TRIM71: variants seen among roughly 807,000 people sequenced by gnomAD.
TRIM71 encodes E3 ubiquitin-protein ligase TRIM71.
Under a neutral mutation model 61.2 loss-of-function variants are expected in TRIM71, and 9 were observed. The ratio of observed to expected loss-of-function variants is 0.15; its 90% CI spans 0.09 to 0.26. The LOEUF is 0.26. TRIM71 is among the 10% of genes least tolerant of loss of function. The pLI, the probability that TRIM71 is intolerant of heterozygous loss-of-function variation, is 1.00. For synonymous variants in TRIM71, 645 were observed against 553.2 expected, an observed-to-expected ratio of 1.17 and a Z score of -2.33; for missense variants, 998 against 1,238.7, an observed-to-expected ratio of 0.81 and a Z score of 2.92.
chr3:32,824,095 T>C (rs1696173185), intron 1 of TRIM71, among the ~76,000 whole-genome samples: 1 of 152,168 alleles, frequency 6.6e-6, no homozygotes, highest in South Asian at 2.1e-4. Flanking sequence ...AAAAAGTGTT[T>C]GAAGATTAGG....
At chr3:32,846,998 T>C (rs559209555) in intron 1 of TRIM71, among the ~76,000 whole-genome samples, 3 of 151,810 alleles carry the variant, frequency 2.0e-5, no homozygotes, top group African/African-American at 7.2e-5. Flanking sequence ...ATTTGGGGTA[T>C]ATATACCCAG....
chr3:32,852,496 C>T (rs1291400248), intron 1 of TRIM71, among the ~76,000 whole-genome samples: 1 of 152,082 alleles, frequency 6.6e-6, no homozygotes, highest in South Asian at 2.1e-4. Flanking sequence ...AGCATTTTGC[C>T]AGAGAGGTCT....
rs759823821 is a variant in TRIM71, at chr3:32,891,397, T to C, written c.2193T>C (p.Gly731=). Reference sequence around the variant, plus strand: ...GGATCCAGCTGTTTGGGCCTGATGGTGTCTTCCTAAACAAGTATGGCTTCG... The same window carrying C: ...GGATCCAGCTGTTTGGGCCTGATGGCGTCTTCCTAAACAAGTATGGCTTCG... ...NHRIQLFGPD[G]VFLNKYGFEG... The change falls in exon 4 of 4, where the codon GGT becomes GGC. Residue 731 remains glycine (G), a synonymous_variant. Coordinates refer to ENST00000383763, the MANE Select transcript of TRIM71 (RefSeq NM_001039111.3). This position sits in a 1 kb window ranked among gnomAD's most constrained non-coding sequence, Gnocchi z 8.2. 9.3e-6 allele frequency: 15 copies of C among 1,613,974 alleles called. No individual in the cohort carries two copies. The Admixed American group carries it at 2.2e-4, about 23-fold the overall frequency.
In TRIM71 at chr3:32,896,290, A is replaced by T. The variant is rs766427168; in HGVS notation, c.*4479A>T. Reference sequence around the variant, plus strand: ...AGGGAATGAGAATCCTCTTGACTTCATGATTGTATTTGTAGCTCTCTGGAC... The same window carrying T: ...AGGGAATGAGAATCCTCTTGACTTCTTGATTGTATTTGTAGCTCTCTGGAC... On this transcript the variant is annotated 3_prime_UTR_variant, in exon 4 of 4. Transcript: ENST00000383763. The T allele has an allele frequency of 6.6e-6, 1 of 152,242 alleles. No individual in the cohort carries two copies. The highest frequency in any genetic ancestry group is 2.4e-5 in the African/African-American group (1 of 41,470). 9.4% of individuals were successfully genotyped at this position (152,242 alleles called of 1,614,324 possible).
At chr3:32,837,394 C>T (rs570515103) in intron 1 of TRIM71, among the ~76,000 whole-genome samples, 1 of 152,154 alleles carries the variant, frequency 6.6e-6, no homozygotes, top group Non-Finnish European at 1.5e-5. Flanking sequence ...GCCTGCTTTT[C>T]TGGTCATGGG....
chr3:32,846,005 A>G (rs1315140331), intron 1 of TRIM71, among the ~76,000 whole-genome samples: 1 of 148,840 alleles, frequency 6.7e-6, no homozygotes, highest in African/African-American at 2.5e-5. Context: ...GGAGTTGGAG[A>G]CTATGGCTCA....
intron 1 of TRIM71, among the ~76,000 whole-genome samples, chr3:32,865,641 T>C (rs1696724701): frequency 6.6e-6 from 1 of 152,122 alleles, no homozygotes; most frequent in African/African-American, 2.4e-5. Flanking sequence ...TTCACACTTT[T>C]AATAGTTCTG....
intron 1 of TRIM71, among the ~76,000 whole-genome samples, chr3:32,829,311 A>G (rs1467153623): frequency 1.3e-5 from 2 of 150,408 alleles, no homozygotes; most frequent in Non-Finnish European, 3.0e-5. Context: ...CAGCCTCCCG[A>G]GTAGCTGGGA....
intron 1 of TRIM71, among the ~76,000 whole-genome samples, chr3:32,867,230 G>A (rs1179507652): frequency 1.3e-5 from 2 of 151,904 alleles, no homozygotes; most frequent in Non-Finnish European, 2.9e-5. Flanking sequence ...TTTAGCCTGG[G>A]AATGAATCTT....
At chr3:32,840,497 G>A (rs1005122330) in intron 1 of TRIM71, among the ~76,000 whole-genome samples, 2 of 152,156 alleles carry the variant, frequency 1.3e-5, no homozygotes, top group Non-Finnish European at 2.9e-5. Context: ...ACTCCATTAT[G>A]TTTAGAGACA....
chr3:32,834,394 A>G (rs1559538778), intron 1 of TRIM71, among the ~76,000 whole-genome samples: 1 of 152,194 alleles, frequency 6.6e-6, no homozygotes, highest in Admixed American at 6.5e-5. Context: ...CTACAGCTAA[A>G]GTTATCTGTC....
chr3:32,892,369 T>C lies in TRIM71; in HGVS notation c.*558T>C, dbSNP rs1035063338. On this transcript the variant is annotated 3_prime_UTR_variant, in exon 4 of 4. Coordinates refer to ENST00000383763, the MANE Select transcript of TRIM71 (RefSeq NM_001039111.3). ...TTTATATGGGGTTTAGATTATGTTG[T>C]GTTGTTTTGATCTTTTTGGAAAATC... 2 of 152,512 alleles carry C rather than the reference T, an allele frequency of 1.3e-5. No individual in the cohort carries two copies. Among genetic ancestry groups the C allele is most frequent in the African/African-American group, 4.8e-5 (2 of 41,464 alleles). 9.4% of individuals were successfully genotyped at this position (152,512 alleles called of 1,614,324 possible).
intron 1 of TRIM71, among the ~76,000 whole-genome samples, chr3:32,820,037 A>G (rs1319039520): frequency 1.3e-5 from 2 of 152,250 alleles, no homozygotes; most frequent in African/African-American, 4.8e-5. Context: ...AAGGCAGGCC[A>G]AAAGTCTTGA....
chr3:32,851,797 A>G (rs1425301628), intron 1 of TRIM71, among the ~76,000 whole-genome samples: 1 of 152,150 alleles, frequency 6.6e-6, no homozygotes, highest in Non-Finnish European at 1.5e-5. Flanking sequence ...CAACTTTGAA[A>G]GGGTTGGGGC....
At chr3:32,822,000 C>T (rs973601588) in intron 1 of TRIM71, among the ~76,000 whole-genome samples, 1 of 152,112 alleles carries the variant, frequency 6.6e-6, no homozygotes, top group African/African-American at 2.4e-5. Flanking sequence ...AGCGCTGCTC[C>T]AGCTGCTCAC....
Position 32,850,230 on chromosome 3 carries a change from G to A in TRIM71, c.853-23588G>A, listed in dbSNP as rs572949381. 1.2e-4 allele frequency among the ~76,000 whole-genome samples: 19 copies of A among 152,242 alleles called. No homozygotes were observed. In the South Asian group the frequency reaches 3.5e-3, roughly 28 times the overall value. ...TTTCTATAGGAGGATGTGGTGGTTA[G>A]CGGGTGAAGTTTGCATTGCTAATTG... is the stretch of plus-strand genomic sequence containing the variant. On this transcript the variant is annotated intron_variant, in intron 1 of 3. Coordinates refer to ENST00000383763, the MANE Select transcript of TRIM71 (RefSeq NM_001039111.3).
At chr3:32,831,915 C>T (rs968351079) in intron 1 of TRIM71, among the ~76,000 whole-genome samples, 8 of 152,168 alleles carry the variant, frequency 5.3e-5, no homozygotes, top group African/African-American at 1.7e-4. Context: ...GGCAGTTCCT[C>T]ATTGCTGACA....
chr3:32,841,283 CAG>C (rs779960769), intron 1 of TRIM71, among the ~76,000 whole-genome samples: 30 of 151,910 alleles, frequency 2.0e-4, no homozygotes, highest in Non-Finnish European at 3.8e-4. Context: ...GAGCCAGGCA[CAG>C]GGGAAATGTG....
intron 1 of TRIM71, among the ~76,000 whole-genome samples, chr3:32,853,123 T>C (rs78154463): frequency 0.014 from 840 of 61,090 alleles, 7 homozygotes; most frequent in African/African-American, 0.033. Context: ...TCTCTCTCTT[T>C]TTTTTTTTTT....
Sources: gnomAD v4.1 joint callset for allele counts (sites outside exome capture counted in the v4.1 genomes callset) on GRCh38, gnomAD v4.1.1 for gene constraint, Gnocchi (gnomAD v3.1) non-coding constraint, MANE v1.5 for transcripts, NCBI Gene and HGNC (gene_info 2026-07-23, HGNC 2026-07-21) for gene names.